Variants in EPHA3 observed in about 807,000 individuals in gnomAD.
EPHA3 encodes EPH receptor A3.
EPHA3 carries 42 observed loss-of-function variants against 107.1 expected under a neutral mutation model. The observed-to-expected ratio is 0.39, with a 90% confidence interval of 0.31 to 0.51. EPHA3 has a LOEUF of 0.51. Among genes scored for constraint, EPHA3 ranks in the 20% least tolerant of loss-of-function variants. The pLI is 0.78. For missense variants in EPHA3, 1,183 were observed against 1,211.2 expected (o/e 0.98, Z 0.35); for synonymous variants, 461 against 424.8 (o/e 1.09, Z -1.05).
intron 10 of EPHA3, among the ~76,000 whole-genome samples, chr3:89,416,420 T>G (rs1709248790): frequency 6.6e-6 from 1 of 151,412 alleles, no homozygotes; most frequent in South Asian, 2.1e-4. Context: ...ATTTGCCCAG[T>G]CTTTGTTAAC....
At chr3:89,359,778 T>C (rs551262293) in intron 5 of EPHA3, among the ~76,000 whole-genome samples, 2 of 143,488 alleles carry the variant, frequency 1.4e-5, no homozygotes, top group Non-Finnish European at 3.0e-5. Flanking sequence ...CACACATATA[T>C]ATACATATAT....
chr3:89,418,873 AT>A (rs1363953251), intron 10 of EPHA3, among the ~76,000 whole-genome samples: 2 of 151,458 alleles, frequency 1.3e-5, no homozygotes, highest in Non-Finnish European at 3.0e-5. Context: ...CTCTGAGGTA[AT>A]GGTAGCTATG....
At position 89,355,756 on chromosome 3, in the gene EPHA3, C is replaced by T. The variant is rs780768365; in HGVS notation, c.1306+13666C>T. Among the ~76,000 whole-genome samples, 11 of 149,958 alleles carry T rather than the reference C, an allele frequency of 7.3e-5. 1 individual carries two copies. Among genetic ancestry groups the T allele is most frequent in the Non-Finnish European group, 1.2e-4 (8 of 67,220 alleles). ...GTGCTCTGTCTCCATAATGATCATG[C>T]AGATCTTCCCGTGTCTGGGGGAAAT... On this transcript the variant is annotated intron_variant, in intron 5 of 16. Coordinates refer to ENST00000336596, the MANE Select transcript of EPHA3 (RefSeq NM_005233.6).
chr3:89,373,029 TC>T (rs1708338680), intron 5 of EPHA3, among the ~76,000 whole-genome samples: 1 of 151,850 alleles, frequency 6.6e-6, no homozygotes, highest in Non-Finnish European at 1.5e-5. Context: ...AGTCTTTCAC[TC>T]CATAAAAGTA....
intron 5 of EPHA3, among the ~76,000 whole-genome samples, chr3:89,358,504 T>G (rs1317162791): frequency 6.6e-6 from 1 of 151,098 alleles, no homozygotes; most frequent in African/African-American, 2.4e-5. Context: ...ATGATTAAGA[T>G]GTAGTCACTA....
chr3:89,305,624 G>T (rs1706598795), intron 3 of EPHA3, among the ~76,000 whole-genome samples: 1 of 151,990 alleles, frequency 6.6e-6, no homozygotes, highest in South Asian at 2.1e-4. Context: ...TGGGTTTCTT[G>T]ATTGTAAGGG....
At chr3:89,194,567 T>C (rs1705791877) in intron 2 of EPHA3, among the ~76,000 whole-genome samples, 1 of 152,136 alleles carries the variant, frequency 6.6e-6, no homozygotes, top group Admixed American at 6.5e-5. Flanking sequence ...TATTTTTCTA[T>C]TCAATAATAA....
intron 5 of EPHA3, among the ~76,000 whole-genome samples, chr3:89,351,047 G>T (rs529202767): frequency 2.0e-5 from 3 of 151,388 alleles, no homozygotes; most frequent in African/African-American, 7.2e-5. Context: ...ATTTAAGTCT[G>T]CAGAGGTTAC....
At chr3:89,405,185 G>A (rs1353356380) in intron 7 of EPHA3, among the ~76,000 whole-genome samples, 1 of 152,086 alleles carries the variant, frequency 6.6e-6, no homozygotes, top group Non-Finnish European at 1.5e-5. Flanking sequence ...TTGAGGAGGG[G>A]AAGCCCCAGA....
intron 2 of EPHA3, among the ~76,000 whole-genome samples, chr3:89,169,242 TG>T (rs1020678707): frequency 9.9e-5 from 15 of 151,560 alleles, no homozygotes; most frequent in East Asian, 1.9e-4. Context: ...TAATTATACA[TG>T]TTTTTTTTTC....
At chr3:89,477,721 A>G (rs1036149534) in intron 16 of EPHA3, among the ~76,000 whole-genome samples, 2 of 151,986 alleles carry the variant, frequency 1.3e-5, no homozygotes, top group Non-Finnish European at 2.9e-5. Context: ...CGCCCTGGTC[A>G]TCTTTACCCA....
rs555414521 is a variant in EPHA3, at chr3:89,227,236, T to C, written c.814+16716T>C. On this transcript the variant is annotated intron_variant, in intron 3 of 16. Coordinates refer to ENST00000336596, the MANE Select transcript of EPHA3 (RefSeq NM_005233.6). ...CTGCAAATAGACCAAAGTTCTCACA[T>C]TGGGAAACATATTATGGCTACAAAA... is the stretch of plus-strand genomic sequence containing the variant. Among the ~76,000 whole-genome samples, 15 of 152,034 alleles carry C rather than the reference T, an allele frequency of 9.9e-5. No homozygotes were observed. The South Asian group carries it at 1.0e-3, about 10-fold the overall frequency.
chr3:89,432,046 GTA>G (rs1199938688), intron 13 of EPHA3, among the ~76,000 whole-genome samples: 1 of 151,690 alleles, frequency 6.6e-6, no homozygotes, highest in Non-Finnish European at 1.5e-5. Flanking sequence ...CTATATTGTT[GTA>G]TCTTTTTTAA....
chr3:89,185,360 G>T (rs1263356546), intron 2 of EPHA3, among the ~76,000 whole-genome samples: 1 of 151,860 alleles, frequency 6.6e-6, no homozygotes, highest in Non-Finnish European at 1.5e-5. Context: ...CACCTGTTGG[G>T]GCTGAATTAA....
intron 5 of EPHA3, among the ~76,000 whole-genome samples, chr3:89,375,302 T>C (rs1708381807): frequency 6.6e-6 from 1 of 151,876 alleles, no homozygotes; most frequent in Non-Finnish European, 1.5e-5. Flanking sequence ...TCTCTTAGTT[T>C]GAATTCTCCC....
intron 5 of EPHA3, among the ~76,000 whole-genome samples, chr3:89,363,088 A>G (rs1422270451): frequency 4.0e-5 from 6 of 150,962 alleles, no homozygotes; most frequent in Admixed American, 2.0e-4. Flanking sequence ...TTTTGGTTTC[A>G]TGCATAGATT....
chr3:89,269,781 AG>A (rs557161590), intron 3 of EPHA3, among the ~76,000 whole-genome samples: 361 of 116,264 alleles, frequency 3.1e-3, no homozygotes, highest in Non-Finnish European at 4.2e-3. Context: ...CAGTCCCCAG[AG>A]TGTGATGTTC....
At chr3:89,410,776 T>G (rs1344057319) in intron 9 of EPHA3, among the ~76,000 whole-genome samples, 2 of 151,924 alleles carry the variant, frequency 1.3e-5, no homozygotes, top group Non-Finnish European at 2.9e-5. Flanking sequence ...TTTTTCTTAC[T>G]CCACATCTAG....
At chr3:89,311,746 TC>T (rs1706771534) in intron 3 of EPHA3, among the ~76,000 whole-genome samples, 1 of 152,048 alleles carries the variant, frequency 6.6e-6, no homozygotes, top group African/African-American at 2.4e-5. Context: ...TTATTGAGTG[TC>T]TACATCATTA....
Sources: allele counts gnomAD v4.1 joint callset (sites outside exome capture counted in the v4.1 genomes callset), GRCh38; gene constraint gnomAD v4.1.1; transcripts MANE v1.5; gene names NCBI Gene and HGNC (gene_info 2026-07-23, HGNC 2026-07-21).